Variants in LIPA observed in about 807,000 individuals in gnomAD.
The protein encoded by LIPA is lipase A, lysosomal acid type.
A neutral mutation model predicts 40.6 loss-of-function variants in LIPA; 26 were observed. The ratio of observed to expected loss-of-function variants is 0.64; its 90% CI spans 0.47 to 0.89. The LOEUF is 0.89. Among genes scored for constraint, LIPA ranks in the 40% least tolerant of loss-of-function variants. The pLI, the probability that LIPA is intolerant of heterozygous loss-of-function variation, is 0.00. For synonymous variants in LIPA, 188 were observed against 168.4 expected, an observed-to-expected ratio of 1.12 and a Z score of -0.90; for missense variants, 455 against 479.6, an observed-to-expected ratio of 0.95 and a Z score of 0.48.
chr10:89,235,681 A>G (rs1191429281), intron 3 of LIPA, among the ~76,000 whole-genome samples: 2 of 152,198 alleles, frequency 1.3e-5, no homozygotes, highest in Non-Finnish European at 2.9e-5. Flanking sequence ...TCCAAAACAC[A>G]TGTGAGAAAT....
chr10:89,293,793 G>T (rs1050877354), intron 1 of LIPA: 13 of 152,036 alleles, frequency 8.6e-5, no homozygotes, highest in African/African-American at 3.1e-4. Context: ...CAGATTAGGG[G>T]CCCCACCCTT....
At chr10:89,394,580 ATATATATATATATATATATATAT>A (rs1844307185) in intron 2 of LIPA, among the ~76,000 whole-genome samples, 3 of 17,018 alleles carry the variant, frequency 1.8e-4, no homozygotes. Context: ...ACAGGAAAAT[ATATATATATATATATATATATAT>A]ATATATATAT....
At chr10:89,290,679 C>T (rs553964744) in intron 1 of LIPA, among the ~76,000 whole-genome samples, 56 of 152,322 alleles carry the variant, frequency 3.7e-4, no homozygotes, top group South Asian at 1.2e-3. Flanking sequence ...CAAAAGCTCC[C>T]GCACTGAGCA....
intron 3 of LIPA, among the ~76,000 whole-genome samples, chr10:89,234,338 AC>A (rs1842878767): frequency 6.6e-6 from 1 of 152,212 alleles, no homozygotes; most frequent in Non-Finnish European, 1.5e-5. Context: ...CATGGGGTGC[AC>A]ATCTTTCCAG....
chr10:89,400,565 C>CT (rs1441770934), intron 2 of LIPA, among the ~76,000 whole-genome samples: 2 of 151,814 alleles, frequency 1.3e-5, no homozygotes, highest in Non-Finnish European at 1.5e-5. Context: ...TCTTAATTTC[C>CT]TTTTGGGATT....
At chr10:89,290,536 C>T (rs1843368074) in intron 1 of LIPA, among the ~76,000 whole-genome samples, 1 of 152,162 alleles carries the variant, frequency 6.6e-6, no homozygotes, top group East Asian at 1.9e-4. Context: ...CCAACATATC[C>T]CCTGTGACCT....
intron 1 of LIPA, chr10:89,332,608 A>T: frequency 6.2e-7 from 1 of 1,614,126 alleles, no homozygotes; most frequent in South Asian, 1.1e-5. Context: ...TCAGAACTGC[A>T]GGGAAACAGC....
At chr10:89,253,802 C>T (rs1843165948), upstream of LIPA, among the ~76,000 whole-genome samples, 2 of 152,220 alleles carry the variant, frequency 1.3e-5, no homozygotes, top group South Asian at 4.1e-4. Context: ...TGGATAAATA[C>T]ACCTGTTTCA....
chr10:89,346,182 A>T (rs1843919490), upstream of LIPA, among the ~76,000 whole-genome samples: 1 of 152,230 alleles, frequency 6.6e-6, no homozygotes, highest in South Asian at 2.1e-4. Context: ...AACCCTTTTT[A>T]TTTGAAATGA....
intron 2 of LIPA, chr10:89,378,055 T>C: frequency 6.6e-7 from 1 of 1,507,728 alleles, no homozygotes; most frequent in Non-Finnish European, 9.2e-7. Flanking sequence ...TGAGAAGCCC[T>C]AGAACTCTGT....
intron 3 of LIPA, among the ~76,000 whole-genome samples, chr10:89,239,647 G>A (rs915073139): frequency 6.6e-6 from 1 of 152,214 alleles, no homozygotes; most frequent in African/African-American, 2.4e-5. Flanking sequence ...CCCAAAACCA[G>A]CAATAATCAC....
intron 1 of LIPA, among the ~76,000 whole-genome samples, chr10:89,320,926 C>T (rs1843567666): frequency 6.6e-6 from 1 of 151,926 alleles, no homozygotes; most frequent in Admixed American, 6.6e-5. Flanking sequence ...CATCTACAAC[C>T]ATCTGATCTT....
chr10:89,348,589 G>T (rs558117080), intron 2 of LIPA, among the ~76,000 whole-genome samples: 2 of 152,154 alleles, frequency 1.3e-5, no homozygotes, highest in Non-Finnish European at 2.9e-5. Flanking sequence ...ATTTGTTTGC[G>T]GGTTGCCATG....
At chr10:89,307,313 T>C in intron 1 of LIPA, 1 of 1,613,572 alleles carries the variant, frequency 6.2e-7, no homozygotes, top group African/African-American at 1.3e-5. Flanking sequence ...AGATGAAGAC[T>C]CTGAGAGGGG....
intron 1 of LIPA, among the ~76,000 whole-genome samples, chr10:89,312,181 C>T (rs761697874): frequency 2.6e-5 from 4 of 152,206 alleles, no homozygotes; most frequent in Non-Finnish European, 5.9e-5. Flanking sequence ...TGGCTCACAC[C>T]TGTAATCGCC....
intron 1 of LIPA, among the ~76,000 whole-genome samples, chr10:89,267,141 C>T (rs1400659979): frequency 1.3e-5 from 2 of 152,190 alleles, no homozygotes; most frequent in African/African-American, 2.4e-5. Context: ...GCTTTATGAA[C>T]ACAGGAATCA....
rs1843453569 is a variant in LIPA at position 89,302,790 on chromosome 10, T to C, written c.-2+39821A>G. 2.0e-5 allele frequency among the ~76,000 whole-genome samples: 3 copies of C among 152,126 alleles called. No homozygotes were observed. The South Asian group carries it at 6.2e-4, about 32-fold the overall frequency. ...ACATGAGACTGCCCTGGAGAGGAAG[T>C]GTTAGCTCATTGAATAGGAAGGGAA... On this transcript the variant is annotated intron_variant, in intron 1 of 5. Transcript: ENST00000282673.
chr10:89,281,883 T>C (rs921555455), intron 1 of LIPA, among the ~76,000 whole-genome samples: 1 of 152,236 alleles, frequency 6.6e-6, no homozygotes, highest in African/African-American at 2.4e-5. Context: ...ATACATACTA[T>C]CCCTACTTAG....
At chr10:89,359,298 C>A (rs1844006223) in intron 2 of LIPA, among the ~76,000 whole-genome samples, 1 of 151,956 alleles carries the variant, frequency 6.6e-6, no homozygotes, top group Non-Finnish European at 1.5e-5. Context: ...ACTATTATGT[C>A]TCAATAAAAT....
Sources: gnomAD v4.1 joint callset for allele counts (sites outside exome capture counted in the v4.1 genomes callset) on GRCh38, gnomAD v4.1.1 for gene constraint, MANE v1.5 for transcripts, NCBI Gene and HGNC (gene_info 2026-07-23, HGNC 2026-07-21) for gene names.